The following TMEM52B variants were observed in gnomAD, a reference collection of about 807,000 sequenced individuals.
The protein encoded by TMEM52B is transmembrane protein 52B, also known as chromosome 12 open reading frame 59.
In TMEM52B, 11 loss-of-function variants were observed where a neutral mutation model predicts 16.1. That is an observed-to-expected ratio of 0.68 (90% CI 0.43 to 1.13). The LOEUF (loss-of-function observed/expected upper bound fraction) is 1.13. Ranked by LOEUF, TMEM52B falls within the 50% of genes most tolerant of loss-of-function variation. The pLI is 0.00. For synonymous variants in TMEM52B, 101 were observed against 93.8 expected (o/e 1.08, Z -0.45); for missense variants, 243 against 230.4 (o/e 1.05, Z -0.35).
At chr12:10,185,398 C>A in intron 3 of TMEM52B, 30 bp downstream of exon 3, 1 of 1,551,622 alleles carries the variant, frequency 6.4e-7, no homozygotes, top group Non-Finnish European at 8.9e-7. Flanking sequence ...CCCAGAAAGA[C>A]ACTGTATTCC....
chr12:10,179,712 C>A, intron 1 of TMEM52B, 84 bp downstream of exon 1: 2 of 1,530,084 alleles, frequency 1.3e-6, no homozygotes, highest in Non-Finnish European at 1.8e-6. Context: ...AAATGAACTG[C>A]GGGGTGGGGA....
chr12:10,175,831 T>C (rs1948761456), upstream of TMEM52B, among the ~76,000 whole-genome samples: 2 of 152,232 alleles, frequency 1.3e-5, no homozygotes, highest in African/African-American at 4.8e-5. Context: ...CTCTATTTTA[T>C]TGAGGCACAG....
At chr12:10,188,873 TC>T (rs1948917474) in intron 4 of TMEM52B, among the ~76,000 whole-genome samples, 14 of 151,394 alleles carry the variant, frequency 9.2e-5, no homozygotes, top group Non-Finnish European at 1.5e-4. Context: ...AAAAATTAGC[TC>T]GGCGTGGTGG....
chr12:10,182,481 T>C lies in TMEM52B; in HGVS notation c.55-69T>C. Reference sequence around the variant, plus strand: ...TCTAACACAGCACAACCATGAGAGATGATTGGTAAGCAGCTGAACACAGTG... The same window carrying C: ...TCTAACACAGCACAACCATGAGAGACGATTGGTAAGCAGCTGAACACAGTG... On this transcript the variant is annotated intron_variant, in intron 1 of 4. Coordinates refer to ENST00000543484, the MANE Select transcript of TMEM52B (RefSeq NM_001384896.1). 3 of 1,514,636 alleles carry C rather than the reference T, an allele frequency of 2.0e-6. No individual in the cohort carries two copies. In the South Asian group the frequency reaches 3.7e-5, roughly 19 times the overall value. 93.8% of individuals were successfully genotyped at this position (1,514,636 alleles called of 1,614,324 possible).
chr12:10,174,867 G>A (rs531530397), upstream of TMEM52B, among the ~76,000 whole-genome samples: 2 of 152,202 alleles, frequency 1.3e-5, no homozygotes, highest in East Asian at 3.9e-4. Context: ...ATTTTATTTA[G>A]CATTATGTCT....
intron 4 of TMEM52B, among the ~76,000 whole-genome samples, chr12:10,189,010 C>G: frequency 1.0e-5 from 1 of 99,304 alleles, no homozygotes; most frequent in Admixed American, 1.4e-4. Context: ...GAGCGAGACT[C>G]CGTCTCAAAA....
rs1046562867 is a variant in TMEM52B at position 10,191,609 on chromosome 12, T to C, written c.*1469T>C. ...GTGAAGATCAAAGAAGCTAAATATA[T>C]GTGGCATGATTTGTAAAGTGTTATG... On this transcript the variant is annotated 3_prime_UTR_variant, in exon 5 of 5. Coordinates refer to ENST00000543484, the MANE Select transcript of TMEM52B (RefSeq NM_001384896.1). The C allele has an allele frequency of 3.9e-5, 6 of 152,194 alleles. No individual in the cohort carries two copies. The highest frequency in any genetic ancestry group is 1.4e-4 in the African/African-American group (6 of 41,448). The allele number at this position is 152,194 out of a possible 1,614,324, so 9.4% of individuals were successfully genotyped here. A position where few individuals can be genotyped will look rare whatever the true frequency, so the allele number is the denominator to read the frequency against.
At chr12:10,189,817 A>C (rs1948935474) in intron 4 of TMEM52B, 79 bp from the exon 5 acceptor site, 4 of 1,547,036 alleles carry the variant, frequency 2.6e-6, no homozygotes, top group East Asian at 2.3e-5. Flanking sequence ...AGCGACAGTT[A>C]AGTGTGAAGT....
chr12:10,186,554 TC>T lies in TMEM52B; in HGVS notation c.273del (p.Phe91LeufsTer54), dbSNP rs772178438. 26 of 1,608,126 alleles carry T rather than the reference TC, an allele frequency of 1.6e-5. No homozygotes were observed. The highest frequency in any genetic ancestry group is 2.0e-5 in the Non-Finnish European group (24 of 1,175,532). On this transcript the variant is annotated frameshift_variant, in exon 4 of 5. Coordinates refer to ENST00000543484, the MANE Select transcript of TMEM52B (RefSeq NM_001384896.1). LOFTEE classifies it high-confidence loss of function. Reference sequence around the variant, plus strand: ...CCCTGTGAAGTGACCGTCATTGCTTTCGATCACGACAGCACTCTCCAGAGCA... The same window carrying T: ...CCCTGTGAAGTGACCGTCATTGCTTTGATCACGACAGCACTCTCCAGAGCA... ...PPPCEVTVIA[F>X]DHDSTLQSTI... is the part of the protein sequence containing the mutation.
rs767040777 is a variant in TMEM52B, at chr12:10,186,510, G to T, written c.228G>T (p.Gly76=). The T allele has an allele frequency of 1.2e-6, 2 of 1,609,920 alleles. No homozygotes were observed. The highest frequency in any genetic ancestry group is 1.7e-6 in the Non-Finnish European group (2 of 1,176,844). Reference sequence around the variant, plus strand: ...GCTGTCTGAGCCGCCAGCAAAATGGGGAAGATGGGGGCCCACCACCCTGTG... The same window carrying T: ...GCTGTCTGAGCCGCCAGCAAAATGGTGAAGATGGGGGCCCACCACCCTGTG... The part of the protein sequence containing the change: ...RCCCLSRQQN[G]EDGGPPPCEV... The change falls in exon 4 of 5, where the codon GGG becomes GGT. Residue 76 remains glycine (G), a synonymous_variant. Transcript: ENST00000543484.
chr12:10,182,634 C>A, intron 2 of TMEM52B, 41 bp downstream of exon 2: 2 of 1,519,778 alleles, frequency 1.3e-6, no homozygotes, highest in South Asian at 2.4e-5. Flanking sequence ...AGCAACAGAC[C>A]AAAACATCAC....
upstream of TMEM52B, among the ~76,000 whole-genome samples, chr12:10,177,744 T>G (rs1421086417): frequency 1.3e-5 from 2 of 148,444 alleles, no homozygotes; most frequent in Non-Finnish European, 1.5e-5. Context: ...CCCTCCAGCC[T>G]GGTGACAGAG....
At chr12:10,172,302 G>A (rs1015157284) in intron 1 of TMEM52B, 8 of 452,348 alleles carry the variant, frequency 1.8e-5, no homozygotes, top group African/African-American at 1.6e-4. Context: ...TGATTCTGAA[G>A]GTGTTTCAGG....
At chr12:10,183,740 G>A (rs959768214) in intron 2 of TMEM52B, among the ~76,000 whole-genome samples, 1 of 151,936 alleles carries the variant, frequency 6.6e-6, no homozygotes, top group Non-Finnish European at 1.5e-5. Flanking sequence ...TCATGGTAAA[G>A]TTGGCTTCTA....
At chr12:10,186,843 AG>A (rs1948885958) in intron 4 of TMEM52B, among the ~76,000 whole-genome samples, 1 of 152,240 alleles carries the variant, frequency 6.6e-6, no homozygotes, top group Non-Finnish European at 1.5e-5. Context: ...AGGAAGAATT[AG>A]CCAGTTTATA....
At chr12:10,171,921 TA>T in intron 1 of TMEM52B, 3 of 1,053,448 alleles carry the variant, frequency 2.8e-6, no homozygotes, top group Non-Finnish European at 1.5e-6. Flanking sequence ...TTTAGCTTTC[TA>T]ATCCCATTCT....
intron 4 of TMEM52B, among the ~76,000 whole-genome samples, chr12:10,188,691 A>AC (rs1341653554): frequency 3.9e-5 from 6 of 151,938 alleles, no homozygotes; most frequent in African/African-American, 1.5e-4. Flanking sequence ...ACATGGTGAA[A>AC]CCCCACCTCT....
intron 4 of TMEM52B, among the ~76,000 whole-genome samples, chr12:10,188,963 G>A (rs1259512078): frequency 7.1e-6 from 1 of 141,480 alleles, no homozygotes. Flanking sequence ...CTTGCAGTGA[G>A]CCGAGATCGC....
upstream of TMEM52B, among the ~76,000 whole-genome samples, chr12:10,177,805 A>G (rs1181119431): frequency 4.6e-5 from 4 of 87,902 alleles, no homozygotes; most frequent in Admixed American, 1.3e-4. Context: ...AATAATAATA[A>G]TAATAATAAT....
Sources: allele counts gnomAD v4.1 joint callset (sites outside exome capture counted in the v4.1 genomes callset), GRCh38; gene constraint gnomAD v4.1.1; transcripts MANE v1.5; gene names NCBI Gene and HGNC (gene_info 2026-07-23, HGNC 2026-07-21).